LEMD3: variants seen among roughly 807,000 people sequenced by gnomAD.
LEMD3 encodes inner nuclear membrane protein Man1.
In LEMD3, 33 loss-of-function variants were observed where a neutral mutation model predicts 95.2. The ratio of observed to expected loss-of-function variants is 0.35; its 90% CI spans 0.26 to 0.46. The LOEUF (loss-of-function observed/expected upper bound fraction) is 0.46, where lower values mean the gene tolerates loss of function less well. Among genes scored for constraint, LEMD3 ranks in the 20% least tolerant of loss-of-function variants. The probability of loss-of-function intolerance (pLI) is 1.00; values close to 1 mark genes in which losing one functional copy is unlikely to be tolerated. For missense variants in LEMD3, 1,210 were observed against 1,192.8 expected (o/e 1.01, Z -0.21); for synonymous variants, 525 against 474.6 (o/e 1.11, Z -1.38).
intron 1 of LEMD3, among the ~76,000 whole-genome samples, chr12:65,184,229 A>G (rs1207056520): frequency 6.6e-6 from 1 of 152,172 alleles, no homozygotes; most frequent in African/African-American, 2.4e-5. Flanking sequence ...TTCCTAGAGA[A>G]TATTTTCTCA....
At chr12:65,198,104 C>A (rs1869488353) in intron 1 of LEMD3, among the ~76,000 whole-genome samples, 1 of 152,046 alleles carries the variant, frequency 6.6e-6, no homozygotes, top group Non-Finnish European at 1.5e-5. Flanking sequence ...TCTCCAAATT[C>A]TTGTTTAGCA....
At position 65,248,079 on chromosome 12, in the gene LEMD3, A is replaced by G. The variant is rs1213686680; in HGVS notation, c.*1754A>G. 6.6e-6 allele frequency: 1 copy of G among 152,548 alleles called. No individual in the cohort carries two copies. The highest frequency in any genetic ancestry group is 1.5e-5 in the Non-Finnish European group (1 of 67,986). 9.4% of individuals were successfully genotyped at this position (152,548 alleles called of 1,614,324 possible). The stretch of plus-strand genomic sequence containing the variant: ...GTGGCATTTTAAAAGGTCGCCTTTG[A>G]TGCAGATGCATCTTTTTCTTGCTTC... On this transcript the variant is annotated 3_prime_UTR_variant, in exon 13 of 13. Coordinates refer to ENST00000308330, the MANE Select transcript of LEMD3 (RefSeq NM_014319.5).
intron 1 of LEMD3, among the ~76,000 whole-genome samples, chr12:65,194,889 A>ATT (rs1471553920): frequency 8.8e-4 from 62 of 70,720 alleles, no homozygotes; most frequent in East Asian, 1.5e-3. Flanking sequence ...TAATTTATAA[A>ATT]ATTAAAATAA....
chr12:65,188,949 C>T (rs1869151917), intron 1 of LEMD3, among the ~76,000 whole-genome samples: 1 of 152,064 alleles, frequency 6.6e-6, no homozygotes. Context: ...TTCTTTCTTA[C>T]CCACAGGCAG....
intron 1 of LEMD3, among the ~76,000 whole-genome samples, chr12:65,201,127 C>T (rs926886373): frequency 7.2e-5 from 11 of 152,082 alleles, no homozygotes; most frequent in African/African-American, 2.4e-4. Context: ...GGGTCTATTT[C>T]TGGGCTCTCT....
rs1325646409 is a variant in LEMD3, at chr12:65,247,568, C to A, written c.*1243C>A. 6.6e-6 allele frequency: 1 copy of A among 152,084 alleles called. No individual in the cohort carries two copies. Among genetic ancestry groups the A allele is most frequent in the Non-Finnish European group, 1.5e-5 (1 of 67,972 alleles). 9.4% of individuals were successfully genotyped at this position (152,084 alleles called of 1,614,324 possible). On this transcript the variant is annotated 3_prime_UTR_variant, in exon 13 of 13. Transcript: ENST00000308330. ...TTATGATTTCAGATAAAAATAGTTG[C>A]TGAGTAAATTTTACTTGTAATCTAC...
intron 1 of LEMD3, among the ~76,000 whole-genome samples, chr12:65,181,680 ATTACCATT>A (rs1868908261): frequency 6.6e-6 from 1 of 152,118 alleles, no homozygotes; most frequent in South Asian, 2.1e-4. Flanking sequence ...CCTTTTCTGT[ATTACCATT>A]TTCTCAATTG....
At chr12:65,196,569 A>T (rs931937745) in intron 1 of LEMD3, among the ~76,000 whole-genome samples, 5 of 152,090 alleles carry the variant, frequency 3.3e-5, no homozygotes, top group African/African-American at 1.2e-4. Flanking sequence ...TGAACCCATG[A>T]TTCACAGCCT....
chr12:65,187,106 T>TA (rs1869090449), intron 1 of LEMD3, among the ~76,000 whole-genome samples: 1 of 152,086 alleles, frequency 6.6e-6, no homozygotes, highest in Admixed American at 6.6e-5. Context: ...CAGATAAACT[T>TA]AAAATCAATG....
In LEMD3 at chr12:65,170,789, T is replaced by C; in HGVS notation, c.1193T>C (p.Phe398Ser). ...AATAATCATATTGGCGGTGGGGCCTTCAGTGTGGACTCCCCCAGGATTTAT... is the reference window on the plus strand; with the variant it reads ...AATAATCATATTGGCGGTGGGGCCTCCAGTGTGGACTCCCCCAGGATTTAT... ...KTNNHIGGGA[F>S]SVDSPRIYSN... The change falls in exon 1 of 13, where the codon TTC becomes TCC. Residue 398 changes from phenylalanine (F) to serine (S), a missense_variant. Coordinates refer to ENST00000308330, the MANE Select transcript of LEMD3 (RefSeq NM_014319.5). The C allele has an allele frequency of 6.2e-7, 1 of 1,614,148 alleles. No homozygotes were observed. The highest frequency in any genetic ancestry group is 2.2e-5 in the East Asian group (1 of 44,882).
At chr12:65,179,244 A>G (rs1406726211) in intron 1 of LEMD3, among the ~76,000 whole-genome samples, 1 of 152,110 alleles carries the variant, frequency 6.6e-6, no homozygotes, top group Admixed American at 6.6e-5. Context: ...CCTTTTGAAT[A>G]AACTTCATAT....
chr12:65,170,509 A>T lies in LEMD3; in HGVS notation c.913A>T (p.Arg305Trp). Residue 305 changes from arginine to tryptophan, a missense_variant, in exon 1 of 13, where the codon AGG (arginine) becomes TGG (tryptophan). Around this residue, in one of 2 missense-constraint regions of LEMD3, gnomAD observed 749 missense variants for 622.9 expected, o/e 1.20. Coordinates refer to ENST00000308330, the MANE Select transcript of LEMD3 (RefSeq NM_014319.5). Reference protein sequence around the residue: ...PPLTAKSAGGRLETSVQGGGG... With the variant: ...PPLTAKSAGGWLETSVQGGGG... ...GCTGACTGCTAAATCGGCCGGCGGC[A>T]GGCTGGAGACTTCAGTTCAGGGAGG... The T allele has an allele frequency of 6.2e-7, 1 of 1,614,102 alleles. No homozygotes were observed. Among genetic ancestry groups the T allele is most frequent in the Non-Finnish European group, 8.5e-7 (1 of 1,180,016 alleles).
intron 1 of LEMD3, among the ~76,000 whole-genome samples, chr12:65,209,296 CA>C (rs545791252): frequency 5.8e-4 from 88 of 152,066 alleles, no homozygotes; most frequent in African/African-American, 2.1e-3. Flanking sequence ...TGTGTATAAT[CA>C]AAAAAGCAAT....
rs750504733 is a variant in LEMD3, at chr12:65,170,537, G to T, written c.941G>T (p.Gly314Val). The change falls in exon 1 of 13, where the codon GGA (glycine) becomes GTA (valine). Residue 314 changes from glycine to valine, a missense_variant. Physicochemically the swap from Gly to Val is moderately radical, Grantham distance 109. Around this residue, in one of 2 missense-constraint regions of LEMD3, gnomAD observed 749 missense variants for 622.9 expected, o/e 1.20. Coordinates refer to ENST00000308330, the MANE Select transcript of LEMD3 (RefSeq NM_014319.5). Reference sequence around the variant, plus strand: ...CTGGAGACTTCAGTTCAGGGAGGGGGAGGACTCGCGATGAATGACAGGGCG... The same window carrying T: ...CTGGAGACTTCAGTTCAGGGAGGGGTAGGACTCGCGATGAATGACAGGGCG... ...GRLETSVQGG[G>V]GLAMNDRAAA... 1.1e-5 allele frequency: 17 copies of T among 1,613,988 alleles called. No homozygotes were observed. The highest frequency in any genetic ancestry group is 1.3e-5 in the African/African-American group (1 of 74,918).
chr12:65,240,847 A>G, intron 8 of LEMD3, 62 bp from the exon 9 acceptor site: 1 of 1,421,406 alleles, frequency 7.0e-7, no homozygotes, highest in East Asian at 2.3e-5. Flanking sequence ...CTCAGATACT[A>G]ATATTTCAAA....
chr12:65,244,035 T>C (rs1871016988), intron 10 of LEMD3, among the ~76,000 whole-genome samples: 2 of 152,206 alleles, frequency 1.3e-5, no homozygotes, highest in Admixed American at 1.3e-4. Flanking sequence ...GTATTTCATA[T>C]ATAAGCTGTA....
chr12:65,210,855 C>T, intron 1 of LEMD3, 71 bp from the exon 2 acceptor site: 1 of 1,144,384 alleles, frequency 8.7e-7, no homozygotes, highest in Non-Finnish European at 1.3e-6. Context: ...GCTGGCATTT[C>T]AGAGAGTTTG....
intron 3 of LEMD3, among the ~76,000 whole-genome samples, chr12:65,217,853 T>G (rs1156528556): frequency 1.3e-5 from 2 of 152,178 alleles, no homozygotes; most frequent in Non-Finnish European, 2.9e-5. Context: ...GGATCTTTTC[T>G]GTCACTCAGG....
At chr12:65,242,165 T>C (rs938877135) in intron 9 of LEMD3, among the ~76,000 whole-genome samples, 3 of 152,218 alleles carry the variant, frequency 2.0e-5, no homozygotes, top group African/African-American at 7.2e-5. Flanking sequence ...TGTTTGACAG[T>C]TCAGCCCTCC....
Sources: gnomAD v4.1 joint callset for allele counts (sites outside exome capture counted in the v4.1 genomes callset) on GRCh38, gnomAD v4.1.1 for gene constraint, gnomAD v4.1.1 regional missense constraint, MANE v1.5 for transcripts, NCBI Gene and HGNC (gene_info 2026-07-23, HGNC 2026-07-21) for gene names.